The following FRMD4B variants were observed in gnomAD, a reference collection of about 807,000 sequenced individuals.
The protein encoded by FRMD4B is FERM domain-containing protein 4B.
A neutral mutation model predicts 141.5 loss-of-function variants in FRMD4B; 74 were observed. The ratio of observed to expected loss-of-function variants is 0.52; its 90% CI spans 0.43 to 0.63. FRMD4B has a LOEUF of 0.63. Ranked by LOEUF, FRMD4B falls within the 30% of genes least tolerant of loss-of-function variation. FRMD4B has a pLI of 0.00. For missense variants in FRMD4B, 1,366 were observed against 1,253.4 expected, an observed-to-expected ratio of 1.09 and a Z score of -1.36; for synonymous variants, 506 against 467.9, an observed-to-expected ratio of 1.08 and a Z score of -1.05.
intron 1 of FRMD4B, among the ~76,000 whole-genome samples, chr3:69,454,345 G>A (rs1705550860): frequency 6.6e-6 from 1 of 152,228 alleles, no homozygotes; most frequent in Non-Finnish European, 1.5e-5. Context: ...CGCACTTGAG[G>A]AGCACTTCAG....
intron 1 of FRMD4B, among the ~76,000 whole-genome samples, chr3:69,463,464 A>G (rs1031435760): frequency 6.6e-6 from 1 of 152,238 alleles, no homozygotes; most frequent in African/African-American, 2.4e-5. Flanking sequence ...AAAGTTCACG[A>G]TCAAAACATT....
intron 21 of FRMD4B, among the ~76,000 whole-genome samples, chr3:69,180,090 T>C (rs1559686623): frequency 6.6e-6 from 1 of 152,042 alleles, no homozygotes; most frequent in Non-Finnish European, 1.5e-5. Flanking sequence ...TAGGTATATA[T>C]GAATACTGAA....
intron 19 of FRMD4B, among the ~76,000 whole-genome samples, chr3:69,186,212 A>C (rs1359786961): frequency 7.4e-6 from 1 of 135,642 alleles, no homozygotes; most frequent in African/African-American, 2.7e-5. Flanking sequence ...TCATGGTGCT[A>C]TTTTTTTGAA....
chr3:69,405,164 G>C (rs1704628778), intron 2 of FRMD4B, among the ~76,000 whole-genome samples: 1 of 152,178 alleles, frequency 6.6e-6, no homozygotes, highest in Non-Finnish European at 1.5e-5. Flanking sequence ...CTTTCTCCTT[G>C]CTCTTGCCAT....
chr3:69,277,822 G>A (rs937088959), intron 5 of FRMD4B, among the ~76,000 whole-genome samples: 4 of 150,686 alleles, frequency 2.7e-5, no homozygotes, highest in Admixed American at 6.6e-5. Context: ...GAGCCACAGC[G>A]CCCGTCCATT....
At chr3:69,287,292 C>T (rs1358511149) in intron 5 of FRMD4B, among the ~76,000 whole-genome samples, 4 of 152,220 alleles carry the variant, frequency 2.6e-5, no homozygotes, top group Admixed American at 6.5e-5. Flanking sequence ...AAATATGTGG[C>T]TGTGAGCAGC....
chr3:69,193,064 G>T (rs969347404), intron 17 of FRMD4B, among the ~76,000 whole-genome samples: 2 of 151,724 alleles, frequency 1.3e-5, no homozygotes, highest in Admixed American at 1.3e-4. Flanking sequence ...CAAGTGATCC[G>T]CTCACCTCAG....
chr3:69,267,079 T>A (rs2106900835), intron 5 of FRMD4B, among the ~76,000 whole-genome samples: 1 of 152,340 alleles, frequency 6.6e-6, no homozygotes, highest in Non-Finnish European at 1.5e-5. Context: ...CCCAGGCTCA[T>A]CAAAGTATTA....
chr3:69,233,772 A>T (rs985159272), intron 7 of FRMD4B, among the ~76,000 whole-genome samples: 1 of 152,138 alleles, frequency 6.6e-6, no homozygotes, highest in African/African-American at 2.4e-5. Context: ...CAAACCAAAG[A>T]TTTACTGTTA....
chr3:69,514,735 C>T (rs1700723641), intron 1 of FRMD4B, among the ~76,000 whole-genome samples: 1 of 147,470 alleles, frequency 6.8e-6, no homozygotes, highest in Non-Finnish European at 1.5e-5. Flanking sequence ...AATGGAAAGA[C>T]ATTCTGTGTT....
At chr3:69,243,384 G>A (rs933028805) in intron 7 of FRMD4B, among the ~76,000 whole-genome samples, 4 of 152,154 alleles carry the variant, frequency 2.6e-5, no homozygotes, top group Admixed American at 6.6e-5. Context: ...TGGGCCATGC[G>A]GAGAAAAAAT....
chr3:69,455,267 C>A (rs895624773), intron 1 of FRMD4B, among the ~76,000 whole-genome samples: 1 of 152,214 alleles, frequency 6.6e-6, no homozygotes, highest in Non-Finnish European at 1.5e-5. Context: ...GAGGCCACAG[C>A]AGTGATAGGT....
At chr3:69,462,477 G>C (rs1293433279) in intron 1 of FRMD4B, among the ~76,000 whole-genome samples, 1 of 152,224 alleles carries the variant, frequency 6.6e-6, no homozygotes, top group Non-Finnish European at 1.5e-5. Context: ...GACAACTTCT[G>C]GGGTAGGCCC....
At chr3:69,526,660 C>G (rs920626800) in intron 1 of FRMD4B, among the ~76,000 whole-genome samples, 1 of 152,142 alleles carries the variant, frequency 6.6e-6, no homozygotes, top group Non-Finnish European at 1.5e-5. Context: ...CCAATTATAC[C>G]TACCTTGCAG....
chr3:69,182,465 G>A, intron 20 of FRMD4B, 133 bp downstream of exon 20: 1 of 786,312 alleles, frequency 1.3e-6, no homozygotes, highest in Non-Finnish European at 2.0e-6. Context: ...TAAGTTAGCA[G>A]AAAATGTAAA....
intron 1 of FRMD4B, chr3:69,541,246 A>C (rs1364810478): frequency 1.3e-5 from 2 of 152,224 alleles, no homozygotes; most frequent in African/African-American, 4.8e-5. Flanking sequence ...CTCTAGTCGC[A>C]GCCGTCTGGG....
intron 1 of FRMD4B, among the ~76,000 whole-genome samples, chr3:69,486,246 G>T (rs1053256545): frequency 6.6e-6 from 1 of 152,154 alleles, no homozygotes. Flanking sequence ...TCCGTAAGTT[G>T]TTGGGGTAAA....
chr3:69,450,063 G>A (rs1705471133), intron 1 of FRMD4B, among the ~76,000 whole-genome samples: 1 of 151,682 alleles, frequency 6.6e-6, no homozygotes, highest in Non-Finnish European at 1.5e-5. Context: ...TTCCCTGCCA[G>A]TAAAATGGGG....
rs543092302 is a variant in FRMD4B at position 69,250,726 on chromosome 3, CTT to C, written c.502-629_502-628del. Among the ~76,000 whole-genome samples the C allele has an allele frequency of 2.8e-3, 374 of 134,284 alleles. 2 individuals carry two copies. The highest frequency in any genetic ancestry group is 8.8e-3 in the African/African-American group (324 of 36,664). The allele number at this position is 134,284 out of a possible 152,430, so 88.1% of individuals were successfully genotyped here. A position where few individuals can be genotyped will look rare whatever the true frequency, so the allele number is the denominator to read the frequency against. ...GAGGAACTCTAATTTATCAGTTTTCCTTTTTTTTTTTTTTTTTTATCATTCAA... is the reference window on the plus strand; with the variant it reads ...GAGGAACTCTAATTTATCAGTTTTCCTTTTTTTTTTTTTTTTATCATTCAA... On this transcript the variant is annotated intron_variant, in intron 5 of 22. Transcript: ENST00000398540.
Sources: allele counts gnomAD v4.1 joint callset (sites outside exome capture counted in the v4.1 genomes callset), GRCh38; gene constraint gnomAD v4.1.1; transcripts MANE v1.5; gene names NCBI Gene and HGNC (gene_info 2026-07-23, HGNC 2026-07-21).